MLLT1: variants seen among roughly 807,000 people sequenced by gnomAD.
MLLT1 encodes the protein protein ENL.
A neutral mutation model predicts 55.1 loss-of-function variants in MLLT1; 11 were observed. That is an observed-to-expected ratio of 0.20 (90% CI 0.13 to 0.33). The LOEUF (loss-of-function observed/expected upper bound fraction) is 0.33, where lower values mean the gene tolerates loss of function less well. Ranked by LOEUF, MLLT1 falls within the 10% of genes least tolerant of loss-of-function variation. The pLI is 1.00. For missense variants in MLLT1, 536 were observed against 760.6 expected, an observed-to-expected ratio of 0.70 and a Z score of 3.47; for synonymous variants, 323 against 320.1, an observed-to-expected ratio of 1.01 and a Z score of -0.10.
chr19:6,257,421 A>G (rs1171427899), intron 3 of MLLT1, among the ~76,000 whole-genome samples: 11 of 152,024 alleles, frequency 7.2e-5, no homozygotes, highest in Non-Finnish European at 1.0e-4. Context: ...ACACCTAAAA[A>G]AGGGGAAAAG....
chr19:6,265,731 A>C (rs931107291), intron 2 of MLLT1, among the ~76,000 whole-genome samples: 6 of 152,030 alleles, frequency 3.9e-5, no homozygotes, highest in African/African-American at 1.2e-4. Context: ...CTGTAATCTC[A>C]GCACTTTGGG....
In MLLT1 at chr19:6,270,347, C is replaced by T. The variant is rs921413538; in HGVS notation, c.193+232G>A. On this transcript the variant is annotated intron_variant, in intron 2 of 11. Transcript: ENST00000252674. The surrounding 1 kb of genome is among the most constrained non-coding windows in gnomAD (Gnocchi z 7.1). ...TGCTCCCTGGCTGCTTCCCAGAGCC[C>T]GGGTCTAAATCACGACACAACAGAC... 2.6e-5 allele frequency among the ~76,000 whole-genome samples: 4 copies of T among 152,164 alleles called. No individual in the cohort carries two copies. Among genetic ancestry groups the T allele is most frequent in the Non-Finnish European group, 4.4e-5 (3 of 68,024 alleles).
intron 1 of MLLT1, among the ~76,000 whole-genome samples, chr19:6,272,895 A>G (rs1391547607): frequency 2.0e-5 from 3 of 152,220 alleles, no homozygotes; most frequent in South Asian, 2.1e-4. Context: ...TGCAATTTCT[A>G]TTTGGCAACT....
chr19:6,246,430 T>C (rs1360756581), intron 3 of MLLT1, among the ~76,000 whole-genome samples: 3 of 152,160 alleles, frequency 2.0e-5, no homozygotes, highest in Non-Finnish European at 2.9e-5. Context: ...AAGGCACCCA[T>C]GCAGCGGAAC....
At chr19:6,216,685 G>A (rs372876857) in intron 7 of MLLT1, 172 bp from the exon 8 acceptor site, 71 of 566,656 alleles carry the variant, frequency 1.3e-4, no homozygotes, top group South Asian at 9.6e-4. Flanking sequence ...CCCCCACACC[G>A]GCAGCCACCC....
chr19:6,252,510 G>A (rs2091225156), intron 3 of MLLT1, among the ~76,000 whole-genome samples: 1 of 152,216 alleles, frequency 6.6e-6, no homozygotes, highest in East Asian at 1.9e-4. Flanking sequence ...AAATCACTGG[G>A]AGAATTAGAA....
At chr19:6,241,829 G>A (rs957750050) in intron 3 of MLLT1, among the ~76,000 whole-genome samples, 1 of 152,236 alleles carries the variant, frequency 6.6e-6, no homozygotes, top group African/African-American at 2.4e-5. Context: ...GCGGCAGCTC[G>A]GCCCTGCCCT....
intron 3 of MLLT1, among the ~76,000 whole-genome samples, chr19:6,254,956 C>A: frequency 7.2e-6 from 1 of 138,118 alleles, no homozygotes. Context: ...AAAGAAGCCA[C>A]ACACAAAAAA....
In MLLT1 at chr19:6,212,894, C is replaced by T. The variant is rs562468241; in HGVS notation, c.*148G>A. Reference sequence around the variant, plus strand: ...GCGGGGAGAGTGGGCAGGGAGCCGCCGAGGAAAGTGCAGCGGGCTGTGCGG... The same window carrying T: ...GCGGGGAGAGTGGGCAGGGAGCCGCTGAGGAAAGTGCAGCGGGCTGTGCGG... On this transcript the variant is annotated 3_prime_UTR_variant, in exon 12 of 12. Transcript: ENST00000252674. 9.8e-5 allele frequency: 111 copies of T among 1,127,548 alleles called. No homozygotes were observed. Among genetic ancestry groups the T allele is most frequent in the Middle Eastern group, 3.0e-4 (1 of 3,286 alleles). 69.8% of individuals were successfully genotyped at this position (1,127,548 alleles called of 1,614,324 possible).
At chr19:6,267,086 C>A (rs1202922651) in intron 2 of MLLT1, among the ~76,000 whole-genome samples, 1 of 151,986 alleles carries the variant, frequency 6.6e-6, no homozygotes, top group Admixed American at 6.6e-5. Flanking sequence ...GGCAACACAG[C>A]GACACCCCCA....
chr19:6,250,655 A>C (rs770714483), intron 3 of MLLT1, among the ~76,000 whole-genome samples: 9 of 152,178 alleles, frequency 5.9e-5, no homozygotes, highest in Non-Finnish European at 1.2e-4. Context: ...TTTGCCTTTT[A>C]GAACTCTGTG....
chr19:6,265,063 A>C (rs1353030203), intron 2 of MLLT1, among the ~76,000 whole-genome samples: 1 of 136,950 alleles, frequency 7.3e-6, no homozygotes, highest in Non-Finnish European at 1.6e-5. Context: ...AAAACAAAAA[A>C]ACAAAAAAAA....
chr19:6,212,270 G>A lies in MLLT1; in HGVS notation c.*772C>T, dbSNP rs1224859970. 1.9e-6 allele frequency: 2 copies of A among 1,057,584 alleles called. No individual in the cohort carries two copies. The highest frequency in any genetic ancestry group is 2.3e-6 in the Non-Finnish European group (2 of 878,992). 65.5% of individuals were successfully genotyped at this position (1,057,584 alleles called of 1,614,324 possible). A position where few individuals can be genotyped will look rare whatever the true frequency, so the allele number is the denominator to read the frequency against. The stretch of plus-strand genomic sequence containing the variant: ...TTGGCTGACCCCCCCGGGAGCCCCG[G>A]TAGGAGGCGGCGGCATCCTTGGAAC... On this transcript the variant is annotated 3_prime_UTR_variant, in exon 12 of 12. Transcript: ENST00000252674.
chr19:6,217,168 A>C (rs2090853218), intron 7 of MLLT1, among the ~76,000 whole-genome samples: 1 of 152,064 alleles, frequency 6.6e-6, no homozygotes, highest in South Asian at 2.1e-4. Flanking sequence ...GAGCGAGTGT[A>C]GGCTTCAAGG....
intron 2 of MLLT1, among the ~76,000 whole-genome samples, chr19:6,264,208 C>G (rs1424939318): frequency 1.3e-5 from 2 of 152,046 alleles, no homozygotes; most frequent in African/African-American, 2.4e-5. Flanking sequence ...GGGATCCCTC[C>G]CTCCTGCCCA....
intron 3 of MLLT1, among the ~76,000 whole-genome samples, chr19:6,233,860 C>T (rs1289891924): frequency 2.6e-5 from 4 of 152,250 alleles, no homozygotes; most frequent in African/African-American, 4.8e-5. Context: ...AATGTGGCCA[C>T]GTGCCCCTCC....
chr19:6,214,174 G>A lies in MLLT1; in HGVS notation c.1308-136C>T, dbSNP rs756142740. On this transcript the variant is annotated intron_variant, in intron 8 of 11. Coordinates refer to ENST00000252674, the MANE Select transcript of MLLT1 (RefSeq NM_005934.4). Reference sequence around the variant, plus strand: ...CCCCAACAGCTCCATTCACCTCTGCGCAGGAACCTCAACTTAAAAATACTG... The same window carrying A: ...CCCCAACAGCTCCATTCACCTCTGCACAGGAACCTCAACTTAAAAATACTG... 558 of 444,568 alleles carry A rather than the reference G, an allele frequency of 1.3e-3. 1 individual carries two copies. The highest frequency in any genetic ancestry group is 1.1e-3 in the Non-Finnish European group (285 of 261,224). 27.5% of individuals were successfully genotyped at this position (444,568 alleles called of 1,614,324 possible).
In MLLT1 at chr19:6,227,504, G is replaced by T. The variant is rs529630157; in HGVS notation, c.421-402C>A. ...TGTGAGAGGCCAGCCAGATGCCTGC[G>T]AAAGGCAGGCAGCAACTTCCCGGGG... On this transcript the variant is annotated intron_variant, in intron 4 of 11. Coordinates refer to ENST00000252674, the MANE Select transcript of MLLT1 (RefSeq NM_005934.4). The surrounding 1 kb of genome is among the most constrained non-coding windows in gnomAD (Gnocchi z 5.1). Among the ~76,000 whole-genome samples the T allele has an allele frequency of 6.6e-6, 1 of 152,362 alleles. No homozygotes were observed. Among genetic ancestry groups the T allele is most frequent in the South Asian group, 2.1e-4 (1 of 4,830 alleles).
At position 6,222,203 on chromosome 19, in the gene MLLT1, G is replaced by C; in HGVS notation, c.1028C>G (p.Ala343Gly). 1 of 1,609,366 alleles carries C rather than the reference G, an allele frequency of 6.2e-7. No individual in the cohort carries two copies. Among genetic ancestry groups the C allele is most frequent in the South Asian group, 1.1e-5 (1 of 90,536 alleles). Residue 343 changes from alanine to glycine, a missense_variant, in exon 6 of 12, where the codon GCC (alanine) becomes GGC (glycine). Coordinates refer to ENST00000252674, the MANE Select transcript of MLLT1 (RefSeq NM_005934.4). The surrounding 1 kb of genome is among the most constrained non-coding windows in gnomAD (Gnocchi z 4.1). Reference sequence around the variant, plus strand: ...TTTGGCCTCCCGGGGCTCACTCTCGGCCTTCACCTTCTCCCCTCTGGTGCT... The same window carrying C: ...TTTGGCCTCCCGGGGCTCACTCTCGCCCTTCACCTTCTCCCCTCTGGTGCT... ...KSSTRGEKVK[A>G]ESEPREAKKA...
Sources: allele counts gnomAD v4.1 joint callset (sites outside exome capture counted in the v4.1 genomes callset), GRCh38; gene constraint gnomAD v4.1.1; non-coding constraint Gnocchi (gnomAD v3.1); transcripts MANE v1.5; gene names NCBI Gene and HGNC (gene_info 2026-07-23, HGNC 2026-07-21).